Variants in UTS2 observed in about 807,000 individuals in gnomAD.
UTS2 encodes urotensin 2.
In UTS2, 10 loss-of-function variants were observed where a neutral mutation model predicts 12.6. The observed-to-expected ratio is 0.80, with a 90% confidence interval of 0.49 to 1.35. UTS2 has a LOEUF of 1.35. Ranked by LOEUF, UTS2 falls within the 40% of genes most tolerant of loss-of-function variation. The pLI is 0.00. For missense variants in UTS2, 142 were observed against 143.2 expected (o/e 0.99, Z 0.04); for synonymous variants, 52 against 50.0 (o/e 1.04, Z -0.17).
At chr1:7,889,260 CAAAAAA>C in the UTS2 span, among the ~76,000 whole-genome samples, 2 of 72,588 alleles carry the variant, frequency 2.8e-5, no homozygotes, top group African/African-American at 5.4e-5. Context: ...CTCATTTCTA[CAAAAAA>C]AAAAAAAAAA....
upstream of UTS2, among the ~76,000 whole-genome samples, chr1:7,854,358 G>C (rs1202704491): frequency 1.4e-5 from 1 of 73,748 alleles, no homozygotes; most frequent in African/African-American, 6.9e-5. Context: ...AAAAAAAAAA[G>C]AGAAGGAGAA....
Position 7,851,549 on chromosome 1 carries a change from G to A in UTS2, c.104-627C>T, listed in dbSNP as rs555991808. Among the ~76,000 whole-genome samples the A allele has an allele frequency of 2.6e-4, 39 of 152,306 alleles. 1 individual carries two copies. The South Asian group carries it at 7.2e-3, about 28-fold the overall frequency. On this transcript the variant is annotated intron_variant, in intron 1 of 3. Coordinates refer to ENST00000361696, the MANE Select transcript of UTS2 (RefSeq NM_006786.4). ...GTGGAAAGGGCACACCGGAGTGTGAGGCGTGGTAAGTGCAGACCTGCTGCT... is the reference window on the plus strand; with the variant it reads ...GTGGAAAGGGCACACCGGAGTGTGAAGCGTGGTAAGTGCAGACCTGCTGCT...
chr1:7,880,981 G>A, the UTS2 span, among the ~76,000 whole-genome samples: 2 of 152,128 alleles, frequency 1.3e-5, no homozygotes, highest in East Asian at 1.9e-4. Context: ...CAGGGATTCC[G>A]CAAAGATGGC....
At chr1:7,855,478 G>A (rs1037768797), upstream of UTS2, among the ~76,000 whole-genome samples, 7 of 151,994 alleles carry the variant, frequency 4.6e-5, no homozygotes, top group South Asian at 2.1e-4. Context: ...CAGCTACTCC[G>A]GAGGCTGAGG....
chr1:7,856,681 C>T (rs900674883), upstream of UTS2, among the ~76,000 whole-genome samples: 1 of 57,462 alleles, frequency 1.7e-5, no homozygotes, highest in African/African-American at 7.2e-5. Flanking sequence ...TTAACTCTTT[C>T]GACAGATATT....
the UTS2 span, among the ~76,000 whole-genome samples, chr1:7,865,895 C>A: frequency 6.6e-6 from 1 of 152,186 alleles, no homozygotes. Flanking sequence ...AAGATTGTAC[C>A]ACTGCACTCA....
At chr1:7,885,918 C>T in the UTS2 span, among the ~76,000 whole-genome samples, 8,685 of 24,580 alleles carry the variant, frequency 0.35, 585 homozygotes, top group Middle Eastern at 0.46. Context: ...TGGGGGGGGG[C>T]GGGTGGAGGT....
the UTS2 span, among the ~76,000 whole-genome samples, chr1:7,885,467 G>A: frequency 6.6e-6 from 1 of 152,092 alleles, no homozygotes; most frequent in South Asian, 2.1e-4. Context: ...GGTATAGGCC[G>A]GCCTTAAGAC....
At chr1:7,865,586 G>C in the UTS2 span, among the ~76,000 whole-genome samples, 1 of 152,128 alleles carries the variant, frequency 6.6e-6, no homozygotes, top group African/African-American at 2.4e-5. Flanking sequence ...CAATCATATT[G>C]GATTAGGGCC....
At chr1:7,876,670 A>G in the UTS2 span, among the ~76,000 whole-genome samples, 147 of 152,330 alleles carry the variant, frequency 9.7e-4, no homozygotes, top group African/African-American at 3.5e-3. Flanking sequence ...TGGTGCTGAA[A>G]AAAAATCATA....
chr1:7,850,907 GCGT>G lies in UTS2; in HGVS notation c.116_118del (p.Asp39del), dbSNP rs753851958. ...TTCTAGCTCCTCCGGAGTTAAGCGC[GCGT>G]CTTCATGAGGTGCTACAGAGTAAAA... On this transcript the variant is annotated inframe_deletion, in exon 2 of 4. Coordinates refer to ENST00000361696, the MANE Select transcript of UTS2 (RefSeq NM_006786.4). 4.3e-6 allele frequency: 7 copies of G among 1,614,142 alleles called. No individual in the cohort carries two copies. The South Asian group carries it at 7.7e-5, about 18-fold the overall frequency.
chr1:7,885,130 T>TCATCCATCCATCCATC, the UTS2 span, among the ~76,000 whole-genome samples: 40 of 150,322 alleles, frequency 2.7e-4, no homozygotes, highest in East Asian at 6.0e-4. Context: ...CACCCACCTA[T>TCATCCATCCATCCATC]CATCCATCCA....
the UTS2 span, among the ~76,000 whole-genome samples, chr1:7,887,200 T>C: frequency 1.4e-4 from 21 of 151,944 alleles, no homozygotes; most frequent in Non-Finnish European, 2.8e-4. Flanking sequence ...CAGGCTGTTT[T>C]GTACTGTTAT....
At chr1:7,884,356 C>T in the UTS2 span, among the ~76,000 whole-genome samples, 1 of 146,526 alleles carries the variant, frequency 6.8e-6, no homozygotes, top group Non-Finnish European at 1.5e-5. Context: ...GGCTGGAGTG[C>T]AGCGGTGTGA....
the UTS2 span, among the ~76,000 whole-genome samples, chr1:7,887,190 C>G: frequency 1.3e-5 from 2 of 151,576 alleles, no homozygotes; most frequent in Non-Finnish European, 2.9e-5. Context: ...TGAAAATTGC[C>G]AGGCTGTTTT....
At chr1:7,867,729 A>G in the UTS2 span, among the ~76,000 whole-genome samples, 76,488 of 151,412 alleles carry the variant, frequency 0.51, 20,381 homozygotes, top group East Asian at 0.71. Flanking sequence ...TAGAAAAATT[A>G]GCCTGGTGTG....
At chr1:7,850,175 G>T (rs929312899) in intron 2 of UTS2, among the ~76,000 whole-genome samples, 1 of 151,928 alleles carries the variant, frequency 6.6e-6, no homozygotes, top group African/African-American at 2.4e-5. Flanking sequence ...TCACCATGTT[G>T]GCCAGGCTGG....
chr1:7,870,293 T>C, the UTS2 span, among the ~76,000 whole-genome samples: 9 of 151,802 alleles, frequency 5.9e-5, no homozygotes, highest in Non-Finnish European at 1.2e-4. Context: ...GACGACCGAG[T>C]GAGGACACAG....
the UTS2 span, among the ~76,000 whole-genome samples, chr1:7,858,557 A>G: frequency 2.0e-4 from 31 of 152,276 alleles, no homozygotes; most frequent in African/African-American, 6.0e-4. Context: ...TTGTCGTTGT[A>G]TAATATGCTC....
Sources: allele counts gnomAD v4.1 joint callset (sites outside exome capture counted in the v4.1 genomes callset), GRCh38; gene constraint gnomAD v4.1.1; transcripts MANE v1.5; gene names NCBI Gene and HGNC (gene_info 2026-07-23, HGNC 2026-07-21).